The following AHI1 variants were observed in gnomAD, a reference collection of about 807,000 sequenced individuals.
AHI1 encodes the protein jouberin.
AHI1 carries 123 observed loss-of-function variants against 149.3 expected under a neutral mutation model. That is an observed-to-expected ratio of 0.82 (90% CI 0.71 to 0.96). The LOEUF is 0.96. Among genes scored for constraint, AHI1 ranks in the 40% least tolerant of loss-of-function variants. The pLI is 0.00. For synonymous variants in AHI1, 475 were observed against 459.8 expected, an observed-to-expected ratio of 1.03 and a Z score of -0.42; for missense variants, 1,439 against 1,422.7, an observed-to-expected ratio of 1.01 and a Z score of -0.18.
At chr6:135,416,575 T>C (rs1460970164) in intron 20 of AHI1, among the ~76,000 whole-genome samples, 1 of 152,012 alleles carries the variant, frequency 6.6e-6, no homozygotes, top group South Asian at 2.1e-4. Flanking sequence ...GAAATGTAAT[T>C]ATCACAATGG....
At chr6:135,356,013 T>G (rs984596396) in intron 24 of AHI1, among the ~76,000 whole-genome samples, 1 of 152,068 alleles carries the variant, frequency 6.6e-6, no homozygotes, top group African/African-American at 2.4e-5. Context: ...CATATACCAC[T>G]CTCCTAGAAC....
At chr6:135,456,558 A>G (rs1312075827) in intron 9 of AHI1, among the ~76,000 whole-genome samples, 1 of 152,064 alleles carries the variant, frequency 6.6e-6, no homozygotes, top group Non-Finnish European at 1.5e-5. Flanking sequence ...AAAAAAAAAA[A>G]AAGACATAAA....
intron 5 of AHI1, among the ~76,000 whole-genome samples, chr6:135,470,525 C>A (rs148333716): frequency 2.8e-3 from 427 of 152,154 alleles, no homozygotes; most frequent in Middle Eastern, 0.014. Context: ...CGTATGTTCA[C>A]TGCAGCACTA....
At chr6:135,482,894 C>CTTTTTTTTTTTTTTTTTTG (rs761997683) in intron 5 of AHI1, among the ~76,000 whole-genome samples, 1 of 55,734 alleles carries the variant, frequency 1.8e-5, no homozygotes, top group African/African-American at 9.3e-5. Context: ...CCATTTAAGG[C>CTTTTTTTTTTTTTTTTTTG]TTTTTTTTTT....
At chr6:135,289,093 C>T (rs1355287993) in intron 28 of AHI1, among the ~76,000 whole-genome samples, 2 of 148,404 alleles carry the variant, frequency 1.3e-5, no homozygotes, top group Non-Finnish European at 2.9e-5. Context: ...ATATTTATCC[C>T]TTTAAGAATC....
chr6:135,466,384 A>C lies in AHI1; in HGVS notation c.190-11T>G, dbSNP rs1221060993. 1 of 1,606,796 alleles carries C rather than the reference A, an allele frequency of 6.2e-7. No homozygotes were observed. The highest frequency in any genetic ancestry group is 1.7e-5 in the Admixed American group (1 of 59,586). ...TCTAATAGTGTCGGGCTAGGAAAAG[A>C]AGACATGATAACAAAGTTTCAGTTA... On this transcript the variant is annotated splice_polypyrimidine_tract_variant and intron_variant, in intron 6 of 28. Coordinates refer to ENST00000265602, the MANE Select transcript of AHI1 (RefSeq NM_001134831.2).
At position 135,465,793 on chromosome 6, in the gene AHI1, C is replaced by A. The variant is rs374141078; in HGVS notation, c.749+21G>T. On this transcript the variant is annotated intron_variant, in intron 7 of 28. Coordinates refer to ENST00000265602, the MANE Select transcript of AHI1 (RefSeq NM_001134831.2). ...AGTGTTTTTCTAAGAGGATATTTTA[C>A]ATTTATCAATGCAAAAATACCTTGT... The A allele has an allele frequency of 6.9e-5, 100 of 1,441,578 alleles. No homozygotes were observed. The African/African-American group carries it at 1.3e-3, about 19-fold the overall frequency. 89.3% of individuals were successfully genotyped at this position (1,441,578 alleles called of 1,614,324 possible). A position where few individuals can be genotyped will look rare whatever the true frequency, so the allele number is the denominator to read the frequency against.
chr6:135,492,511 T>A, intron 3 of AHI1: 2 of 1,150,366 alleles, frequency 1.7e-6, no homozygotes, highest in Non-Finnish European at 2.1e-6. Flanking sequence ...CATATCTGAA[T>A]AAAGTATTTA....
At chr6:135,440,430 T>C (rs752275039) in intron 14 of AHI1, among the ~76,000 whole-genome samples, 21 of 152,224 alleles carry the variant, frequency 1.4e-4, no homozygotes, top group Non-Finnish European at 2.4e-4. Flanking sequence ...GAGATGTCCA[T>C]AGGGGACACT....
chr6:135,321,071 C>CA (rs1786750934), intron 25 of AHI1, among the ~76,000 whole-genome samples: 1 of 152,062 alleles, frequency 6.6e-6, no homozygotes, highest in South Asian at 2.1e-4. Context: ...CTTCTAAACA[C>CA]AAAAATATAC....
At chr6:135,294,861 T>C (rs1782886367) in intron 27 of AHI1, among the ~76,000 whole-genome samples, 1 of 151,954 alleles carries the variant, frequency 6.6e-6, no homozygotes, top group African/African-American at 2.4e-5. Context: ...TTTAGTGGCT[T>C]TGGGTTGGCA....
At chr6:135,331,546 G>C (rs1788596349) in intron 24 of AHI1, among the ~76,000 whole-genome samples, 1 of 152,112 alleles carries the variant, frequency 6.6e-6, no homozygotes, top group Non-Finnish European at 1.5e-5. Context: ...TATTATTATA[G>C]TGGTCTCTGA....
chr6:135,333,614 T>C (rs910406876), intron 24 of AHI1, among the ~76,000 whole-genome samples: 3 of 152,236 alleles, frequency 2.0e-5, no homozygotes, highest in Non-Finnish European at 4.4e-5. Flanking sequence ...TCTTGCTGTA[T>C]AATGCAACGA....
intron 10 of AHI1, 72 bp from the exon 11 acceptor site, chr6:135,453,508 T>TA (rs984668939): frequency 1.0e-5 from 11 of 1,102,960 alleles, no homozygotes; most frequent in Non-Finnish European, 5.3e-6. Context: ...ATTAAAACTT[T>TA]AAAAAATCAT....
chr6:135,394,761 AAG>A lies in AHI1; in HGVS notation c.3109+13_3109+14del. The A allele has an allele frequency of 6.2e-7, 1 of 1,609,546 alleles. No homozygotes were observed. Among genetic ancestry groups the A allele is most frequent in the East Asian group, 2.2e-5 (1 of 44,766 alleles). On this transcript the variant is annotated intron_variant, in intron 23 of 28. Transcript: ENST00000265602. Reference sequence around the variant, plus strand: ...GAACATTTAAAAGAATTGTCAAAGTAAGAAAGGGGCTCACCGGTCTGAGTGAA... The same window carrying A: ...GAACATTTAAAAGAATTGTCAAAGTAAAAGGGGCTCACCGGTCTGAGTGAA...
intron 1 of AHI1, 59 bp from the exon 2 acceptor site, chr6:135,497,308 C>G (rs961036797): frequency 1.5e-4 from 23 of 152,236 alleles, no homozygotes; most frequent in African/African-American, 5.3e-4. Flanking sequence ...AAATAAGAAT[C>G]GGGAGTAGGA....
At chr6:135,475,492 T>C (rs991485078) in intron 5 of AHI1, among the ~76,000 whole-genome samples, 2 of 152,222 alleles carry the variant, frequency 1.3e-5, no homozygotes, top group African/African-American at 4.8e-5. Context: ...ATGTTAGCAA[T>C]GTGATTTATG....
intron 20 of AHI1, among the ~76,000 whole-genome samples, chr6:135,413,051 C>T (rs1781829473): frequency 6.6e-6 from 1 of 152,036 alleles, no homozygotes; most frequent in African/African-American, 2.4e-5. Context: ...AAAAACTTGC[C>T]AGGCACAGTG....
In AHI1 at chr6:135,300,558, G is replaced by C. The variant is rs751501978; in HGVS notation, c.3427C>G (p.Gln1143Glu). The C allele has an allele frequency of 1.9e-6, 3 of 1,604,970 alleles. No individual in the cohort carries two copies. Among genetic ancestry groups the C allele is most frequent in the Non-Finnish European group, 2.6e-6 (3 of 1,175,362 alleles). ...KIEKSPAPQK[Q>E]SINKNKSQDF... ...TGGGACTTGTTCTTATTGATTGATTGCTGTGGAAGAAGAGGAAAAACAAGT... is the reference window on the plus strand; with the variant it reads ...TGGGACTTGTTCTTATTGATTGATTCCTGTGGAAGAAGAGGAAAAACAAGT... Residue 1143 changes from glutamine to glutamate, a missense_variant and splice_region_variant, in exon 27 of 29, where the codon CAA becomes GAA. Physicochemically the swap from Gln to Glu is conservative, Grantham distance 29 (BLOSUM62 2). Transcript: ENST00000265602.
Sources: gnomAD v4.1 joint callset for allele counts (sites outside exome capture counted in the v4.1 genomes callset) on GRCh38, gnomAD v4.1.1 for gene constraint, MANE v1.5 for transcripts, NCBI Gene and HGNC (gene_info 2026-07-23, HGNC 2026-07-21) for gene names.